DNAI4: variants seen among roughly 807,000 people sequenced by gnomAD.
DNAI4 encodes dynein axonemal intermediate chain 4.
A neutral mutation model predicts 105.8 loss-of-function variants in DNAI4; 85 were observed. The ratio of observed to expected loss-of-function variants is 0.80; its 90% CI spans 0.67 to 0.96. DNAI4 has a LOEUF of 0.96. DNAI4 is among the 40% of genes least tolerant of loss of function. The pLI is 0.00. For missense variants in DNAI4, 1,014 were observed against 1,005.6 expected (o/e 1.01, Z -0.11); for synonymous variants, 352 against 331.5 (o/e 1.06, Z -0.67).
chr1:66,836,206 AAGAGAGAGAGAGAGAG>A (rs1219534466), intron 10 of DNAI4, among the ~76,000 whole-genome samples: 1 of 17,000 alleles, frequency 5.9e-5, no homozygotes, highest in South Asian at 1.5e-3. Flanking sequence ...GAAAGAAAGA[AAGAGAGAGAGAGAGAG>A]AGAGAGAGAG....
chr1:66,822,657 AC>A, intron 15 of DNAI4, 140 bp from the exon 16 acceptor site: 1 of 649,802 alleles, frequency 1.5e-6, no homozygotes, highest in Non-Finnish European at 2.4e-6. Context: ...ACTCAAAATA[AC>A]TGCTCCTCAC....
At position 66,893,105 on chromosome 1, in the gene DNAI4, G is replaced by GA. The variant is rs748703559; in HGVS notation, c.530+123dup. ...AGAAAGAAAGAAAGAAAGAAAGAAAGAAAGAAAGAAAGAAAGAAACTGGGA... is the reference window on the plus strand; with the variant it reads ...AGAAAGAAAGAAAGAAAGAAAGAAAGAAAAGAAAGAAAGAAAGAAACTGGGA... On this transcript the variant is annotated intron_variant, in intron 3 of 16. Transcript: ENST00000371026. 3 of 466,646 alleles carry GA rather than the reference G, an allele frequency of 6.4e-6. No individual in the cohort carries two copies. The East Asian group carries it at 1.0e-4, about 16-fold the overall frequency. The allele number at this position is 466,646 out of a possible 1,614,324, so 28.9% of individuals were successfully genotyped here.
rs539730561 is a variant in DNAI4 at position 66,836,254 on chromosome 1, G to A, written c.1582-477C>T. Among the ~76,000 whole-genome samples the A allele has an allele frequency of 1.5e-3, 149 of 98,994 alleles. 5 individuals carry two copies. Among genetic ancestry groups the A allele is most frequent in the Non-Finnish European group, 1.7e-3 (85 of 49,166 alleles). The allele number at this position is 98,994 out of a possible 152,430, so 64.9% of individuals were successfully genotyped here. A position where few individuals can be genotyped will look rare whatever the true frequency, so the allele number is the denominator to read the frequency against. ...AGAGAGAAAGAAAGAAAGAGAGAGAGAGAAAGAAAGAAAGAAAGAAAGAAA... is the reference window on the plus strand; with the variant it reads ...AGAGAGAAAGAAAGAAAGAGAGAGAAAGAAAGAAAGAAAGAAAGAAAGAAA... On this transcript the variant is annotated intron_variant, in intron 10 of 16. Transcript: ENST00000371026.
At chr1:66,887,473 G>C (rs1381405947) in intron 4 of DNAI4, among the ~76,000 whole-genome samples, 1 of 152,084 alleles carries the variant, frequency 6.6e-6, no homozygotes, top group East Asian at 1.9e-4. Flanking sequence ...AGTAGGTCTG[G>C]GAGGGGGGAA....
intron 1 of DNAI4, among the ~76,000 whole-genome samples, chr1:66,916,314 T>A (rs543887469): frequency 6.6e-5 from 10 of 152,318 alleles, no homozygotes; most frequent in East Asian, 1.9e-4. Context: ...AAATTTTTTT[T>A]AAATTAAGGT....
intron 7 of DNAI4, chr1:66,848,330 T>C: frequency 4.4e-6 from 2 of 451,524 alleles, no homozygotes; most frequent in South Asian, 3.1e-5. Flanking sequence ...GATCTTTTAC[T>C]TTTTAGTACC....
In DNAI4 at chr1:66,853,268, C is replaced by T. The variant is rs1034678018; in HGVS notation, c.1097-5590G>A. 2.6e-5 allele frequency among the ~76,000 whole-genome samples: 4 copies of T among 152,332 alleles called. No individual in the cohort carries two copies. The East Asian group carries it at 5.8e-4, about 22-fold the overall frequency. On this transcript the variant is annotated intron_variant, in intron 7 of 16. Transcript: ENST00000371026. Reference sequence around the variant, plus strand: ...GCAGAACTATGCCTCATGGGCATTACCCCTTGGGCTTTCCCACAGGTTTAT... The same window carrying T: ...GCAGAACTATGCCTCATGGGCATTATCCCTTGGGCTTTCCCACAGGTTTAT...
At chr1:66,911,507 C>T (rs1175082049) in intron 1 of DNAI4, among the ~76,000 whole-genome samples, 5 of 152,186 alleles carry the variant, frequency 3.3e-5, no homozygotes, top group Non-Finnish European at 1.5e-5. Flanking sequence ...TATAATCATG[C>T]TTTTGTCTTC....
intron 1 of DNAI4, among the ~76,000 whole-genome samples, chr1:66,908,277 C>A (rs748005587): frequency 5.3e-5 from 8 of 152,190 alleles, no homozygotes; most frequent in Non-Finnish European, 1.0e-4. Context: ...TGGCCTCTGG[C>A]CTCTCTTCTT....
chr1:66,887,759 G>A (rs933620547), intron 4 of DNAI4, among the ~76,000 whole-genome samples: 1 of 152,010 alleles, frequency 6.6e-6, no homozygotes, highest in Non-Finnish European at 1.5e-5. Flanking sequence ...GATCACTCGA[G>A]ACCAGCCTGG....
chr1:66,893,363 T>C lies in DNAI4; in HGVS notation c.396A>G (p.Pro132=). 1 of 1,601,184 alleles carries C rather than the reference T, an allele frequency of 6.2e-7. No homozygotes were observed. Among genetic ancestry groups the C allele is most frequent in the Non-Finnish European group, 8.5e-7 (1 of 1,173,892 alleles). The change falls in exon 3 of 17, where the codon CCA becomes CCG. Residue 132 remains proline (P), a synonymous_variant. Coordinates refer to ENST00000371026, the MANE Select transcript of DNAI4 (RefSeq NM_024763.5). ...GTTTTGCTGTACCAGTAAGTGGATC[T>C]GGATGGTAAAGAGGTCGGGGAGTAA... ...TDVTPRPLYH[P]DPLTGTAKPS... is the part of the protein sequence containing the mutation.
In DNAI4 at chr1:66,814,057, G is replaced by T; in HGVS notation, c.*73C>A. 1 of 1,168,684 alleles carries T rather than the reference G, an allele frequency of 8.6e-7. No homozygotes were observed. Among genetic ancestry groups the T allele is most frequent in the Non-Finnish European group, 1.2e-6 (1 of 826,556 alleles). The allele number at this position is 1,168,684 out of a possible 1,614,324, so 72.4% of individuals were successfully genotyped here. Reference sequence around the variant, plus strand: ...TTCTGAAATCAAAATCTGGTGTACAGTATGTAATACAGAATATTGGATGTT... The same window carrying T: ...TTCTGAAATCAAAATCTGGTGTACATTATGTAATACAGAATATTGGATGTT... On this transcript the variant is annotated 3_prime_UTR_variant, in exon 17 of 17. Transcript: ENST00000371026.
At chr1:66,898,545 T>C (rs1316765045) in intron 2 of DNAI4, among the ~76,000 whole-genome samples, 1 of 152,078 alleles carries the variant, frequency 6.6e-6, no homozygotes, top group African/African-American at 2.4e-5. Flanking sequence ...AGGGGTCTGT[T>C]ATAAAAGTCA....
intron 5 of DNAI4, among the ~76,000 whole-genome samples, 165 bp downstream of exon 5, chr1:66,874,616 C>G (rs1264303911): frequency 2.6e-5 from 4 of 152,092 alleles, no homozygotes; most frequent in Non-Finnish European, 4.4e-5. Context: ...TCACATGGCA[C>G]TTATATAACT....
chr1:66,920,525 G>C (rs1389308827), intron 1 of DNAI4, among the ~76,000 whole-genome samples: 9 of 152,082 alleles, frequency 5.9e-5, no homozygotes. Context: ...GGGCATCGTG[G>C]ATACCCTCCC....
At chr1:66,869,472 A>G (rs1646796886) in intron 6 of DNAI4, among the ~76,000 whole-genome samples, 1 of 152,212 alleles carries the variant, frequency 6.6e-6, no homozygotes, top group Non-Finnish European at 1.5e-5. Flanking sequence ...TTGGAAACCT[A>G]AAGTTACATA....
rs1161373163 is a variant in DNAI4 at position 66,813,814 on chromosome 1, A to G, written c.*316T>C. ...ATTTCCAAGTTTCGCTTCTATAGGT[A>G]TAATAATTTTCTAACCCATTTAGAC... On this transcript the variant is annotated 3_prime_UTR_variant, in exon 17 of 17. Coordinates refer to ENST00000371026, the MANE Select transcript of DNAI4 (RefSeq NM_024763.5). The G allele has an allele frequency of 1.0e-5, 2 of 194,734 alleles. No individual in the cohort carries two copies. Among genetic ancestry groups the G allele is most frequent in the African/African-American group, 2.3e-5 (1 of 43,372 alleles). 12.1% of individuals were successfully genotyped at this position (194,734 alleles called of 1,614,324 possible).
At chr1:66,863,475 T>A (rs1347617487) in intron 6 of DNAI4, among the ~76,000 whole-genome samples, 1 of 152,178 alleles carries the variant, frequency 6.6e-6, no homozygotes, top group Non-Finnish European at 1.5e-5. Flanking sequence ...TTTGTTTCAT[T>A]TTTTTAAGAG....
At chr1:66,844,085 A>AG (rs1646215164) in intron 8 of DNAI4, among the ~76,000 whole-genome samples, 3 of 6,200 alleles carry the variant, frequency 4.8e-4, no homozygotes, top group African/African-American at 2.1e-3. Context: ...CTGGAGATTC[A>AG]AAAAAAAAAA....
Sources: allele counts gnomAD v4.1 joint callset (sites outside exome capture counted in the v4.1 genomes callset), GRCh38; gene constraint gnomAD v4.1.1; transcripts MANE v1.5; gene names NCBI Gene and HGNC (gene_info 2026-07-23, HGNC 2026-07-21).